SYNPR: variants seen among roughly 807,000 people sequenced by gnomAD.
SYNPR encodes synaptoporin.
A neutral mutation model predicts 32.9 loss-of-function variants in SYNPR; 23 were observed. That is an observed-to-expected ratio of 0.70 (90% CI 0.50 to 0.99). SYNPR has a LOEUF of 0.99. Among genes scored for constraint, SYNPR ranks in the 50% least tolerant of loss-of-function variants. The pLI, the probability that SYNPR is intolerant of heterozygous loss-of-function variation, is 0.00. For synonymous variants in SYNPR, 146 were observed against 135.9 expected, an observed-to-expected ratio of 1.07 and a Z score of -0.52; for missense variants, 318 against 349.3, an observed-to-expected ratio of 0.91 and a Z score of 0.71.
In SYNPR at chr3:63,615,322, T is replaced by A; in HGVS notation, c.699T>A (p.Asp233Glu). The change falls in exon 6 of 6, where the codon GAT becomes GAA. Residue 233 changes from aspartate (D) to glutamate (E), a missense_variant. Transcript: ENST00000478300. ...WHSSGQRYLS[D>E]PMEKHSSSYN... ...CTTCGGGACAGAGATATCTTTCAGA[T>A]CCAATGGAGAAGCACTCCAGCAGCT... The A allele has an allele frequency of 6.2e-7, 1 of 1,613,876 alleles. No individual in the cohort carries two copies. Among genetic ancestry groups the A allele is most frequent in the South Asian group, 1.1e-5 (1 of 91,074 alleles).
Position 63,616,275 on chromosome 3 carries a change from C to A in SYNPR, c.*794C>A, listed in dbSNP as rs375524003. 3 of 152,144 alleles carry A rather than the reference C, an allele frequency of 2.0e-5. No homozygotes were observed. The highest frequency in any genetic ancestry group is 4.4e-5 in the Non-Finnish European group (3 of 68,020). 9.4% of individuals were successfully genotyped at this position (152,144 alleles called of 1,614,324 possible). On this transcript the variant is annotated 3_prime_UTR_variant, in exon 6 of 6. Coordinates refer to ENST00000478300, the MANE Select transcript of SYNPR (RefSeq NM_001130003.2). Reference sequence around the variant, plus strand: ...TTCTATTTACTTAGCTAAATATTTGCATTCTTGTAACCTTCTATGGTGTTT... The same window carrying A: ...TTCTATTTACTTAGCTAAATATTTGAATTCTTGTAACCTTCTATGGTGTTT...
intron 2 of SYNPR, among the ~76,000 whole-genome samples, chr3:63,295,157 A>G (rs890101287): frequency 6.6e-6 from 1 of 152,218 alleles, no homozygotes; most frequent in Non-Finnish European, 1.5e-5. Context: ...GGATTCGCTT[A>G]GCCTCTGCCT....
chr3:63,456,741 C>T (rs1344177491), intron 2 of SYNPR, among the ~76,000 whole-genome samples: 6 of 152,034 alleles, frequency 3.9e-5, no homozygotes, highest in South Asian at 4.1e-4. Flanking sequence ...TTCATGATCA[C>T]GCCTCTTTCC....
rs370244005 is a variant in SYNPR at position 63,455,756 on chromosome 3, GGTGT to G, written c.85-25048_85-25045del. 5.9e-4 allele frequency among the ~76,000 whole-genome samples: 85 copies of G among 144,348 alleles called. 1 individual carries two copies. The highest frequency in any genetic ancestry group is 8.4e-4 in the Admixed American group (12 of 14,212). The allele number at this position is 144,348 out of a possible 152,430, so 94.7% of individuals were successfully genotyped here. On this transcript the variant is annotated intron_variant, in intron 2 of 5. Transcript: ENST00000478300. Reference sequence around the variant, plus strand: ...TGCTTCTGTACATAGTCATGTTTGGGGTGTGTGTGTGTGTGTGTGTGTGTGTGTG... The same window carrying G: ...TGCTTCTGTACATAGTCATGTTTGGGGTGTGTGTGTGTGTGTGTGTGTGTG...
intron 2 of SYNPR, among the ~76,000 whole-genome samples, chr3:63,313,960 C>CAT (rs58679973): frequency 1.2e-3 from 2 of 1,620 alleles, no homozygotes; most frequent in Non-Finnish European, 2.2e-3. Context: ...TATATATATC[C>CAT]ATATATATAT....
chr3:63,414,172 A>G (rs1408824341), intron 2 of SYNPR, among the ~76,000 whole-genome samples: 5 of 152,078 alleles, frequency 3.3e-5, no homozygotes, highest in Admixed American at 1.3e-4. Context: ...GTGGGAAGAA[A>G]GGCAAAAAAG....
chr3:63,249,905 T>A (rs1192522028), intron 1 of SYNPR, among the ~76,000 whole-genome samples: 1 of 152,084 alleles, frequency 6.6e-6, no homozygotes, highest in Non-Finnish European at 1.5e-5. Flanking sequence ...AAATAGAGAA[T>A]GTCTGGCTTT....
chr3:63,225,088 C>T (rs2086118742), upstream of SYNPR, among the ~76,000 whole-genome samples: 1 of 152,196 alleles, frequency 6.6e-6, no homozygotes, highest in African/African-American at 2.4e-5. Context: ...GCAGAAGTTT[C>T]ACCTGTGGGA....
rs372037104 is a variant in SYNPR, at chr3:63,556,434, C to T, written c.210-109C>T. 3.5e-3 allele frequency: 3,368 copies of T among 961,336 alleles called. 133 individuals are homozygous for T. The South Asian group carries it at 0.057, about 16-fold the overall frequency. The allele number at this position is 961,336 out of a possible 1,614,324, so 59.6% of individuals were successfully genotyped here. The stretch of plus-strand genomic sequence containing the variant: ...AATGAATATGTTACATAGGCATGCA[C>T]TAAAACTCCCAGATCACATCCCATT... On this transcript the variant is annotated intron_variant, in intron 3 of 5. Transcript: ENST00000478300.
At chr3:63,537,380 TC>T (rs5849564) in intron 3 of SYNPR, among the ~76,000 whole-genome samples, 32,045 of 152,008 alleles carry the variant, frequency 0.21, 3,419 homozygotes, top group East Asian at 0.32. Flanking sequence ...CTAGAAAATC[TC>T]TCTGAATCCT....
intron 2 of SYNPR, chr3:63,351,710 T>G (rs1160841486): frequency 6.6e-6 from 1 of 152,178 alleles, no homozygotes; most frequent in Non-Finnish European, 1.5e-5. Flanking sequence ...ATTTATAGAT[T>G]TCATTTACTG....
At chr3:63,305,160 T>C (rs2086898161) in intron 2 of SYNPR, among the ~76,000 whole-genome samples, 1 of 151,936 alleles carries the variant, frequency 6.6e-6, no homozygotes, top group Non-Finnish European at 1.5e-5. Context: ...CTCCAGGCAA[T>C]AGCCAGGGAG....
At chr3:63,535,803 C>A (rs1452773012) in intron 3 of SYNPR, among the ~76,000 whole-genome samples, 2 of 151,112 alleles carry the variant, frequency 1.3e-5, no homozygotes, top group Non-Finnish European at 2.9e-5. Flanking sequence ...GGAACATAGA[C>A]CATGTAAGAG....
intron 2 of SYNPR, among the ~76,000 whole-genome samples, chr3:63,404,836 G>A (rs889746127): frequency 9.2e-5 from 14 of 152,020 alleles, no homozygotes; most frequent in African/African-American, 2.4e-4. Flanking sequence ...TATTTAACAC[G>A]TTTCACATAA....
intron 3 of SYNPR, among the ~76,000 whole-genome samples, chr3:63,522,325 G>A (rs1701933019): frequency 6.6e-6 from 1 of 152,162 alleles, no homozygotes; most frequent in South Asian, 2.1e-4. Context: ...TTCTTAGTCT[G>A]TGAGAAAAAG....
chr3:63,589,144 A>G (rs1480130290), intron 4 of SYNPR, among the ~76,000 whole-genome samples: 1 of 152,088 alleles, frequency 6.6e-6, no homozygotes, highest in Non-Finnish European at 1.5e-5. Context: ...TGTATTCATT[A>G]TTCACCGTGA....
chr3:63,210,866 T>C, the SYNPR span, among the ~76,000 whole-genome samples: 1 of 151,654 alleles, frequency 6.6e-6, no homozygotes. Flanking sequence ...TAAAAACTAC[T>C]AAACTAATTG....
intron 2 of SYNPR, among the ~76,000 whole-genome samples, chr3:63,254,559 C>A (rs1437482873): frequency 6.6e-6 from 1 of 152,064 alleles, no homozygotes; most frequent in South Asian, 2.1e-4. Flanking sequence ...GCACTGAGTA[C>A]GTGTTAGACC....
chr3:63,350,231 CACACACACACATACAA>C lies in SYNPR; in HGVS notation c.84+71495_84+71510del, dbSNP rs879684569. The stretch of plus-strand genomic sequence containing the variant: ...ATTATTCTACACACACACACACACA[CACACACACACATACAA>C]ACACAATTATTAACTCTATAGGGGA... On this transcript the variant is annotated intron_variant, in intron 2 of 5. Transcript: ENST00000478300. Among the ~76,000 whole-genome samples the C allele has an allele frequency of 7.7e-3, 1,132 of 147,874 alleles. 5 individuals carry two copies. The highest frequency in any genetic ancestry group is 0.015 in the East Asian group (78 of 5,148).
Sources: allele counts gnomAD v4.1 joint callset (sites outside exome capture counted in the v4.1 genomes callset), GRCh38; gene constraint gnomAD v4.1.1; transcripts MANE v1.5; gene names NCBI Gene and HGNC (gene_info 2026-07-23, HGNC 2026-07-21).